PPP1R9A: variants seen among roughly 807,000 people sequenced by gnomAD.
PPP1R9A encodes protein phosphatase 1 regulatory subunit 9A, also known as neurabin-1.
A neutral mutation model predicts 141.9 loss-of-function variants in PPP1R9A; 59 were observed. The observed-to-expected ratio is 0.42, with a 90% CI of 0.34 to 0.52. PPP1R9A has a LOEUF of 0.52. PPP1R9A is among the 20% of genes least tolerant of loss of function. The probability of loss-of-function intolerance (pLI) is 0.10; values close to 1 mark genes in which losing one functional copy is unlikely to be tolerated. For missense variants in PPP1R9A, 1,444 were observed against 1,611.9 expected, an observed-to-expected ratio of 0.90 and a Z score of 1.78; for synonymous variants, 500 against 569.7, an observed-to-expected ratio of 0.88 and a Z score of 1.74.
chr7:95,250,352 C>T (rs978485660), intron 10 of PPP1R9A, 97 bp downstream of exon 10: 1 of 1,068,806 alleles, frequency 9.4e-7, no homozygotes, highest in African/African-American at 1.6e-5. Context: ...AAAAGATGAC[C>T]TTAGAGATAT....
intron 14 of PPP1R9A, 101 bp downstream of exon 14, chr7:95,269,608 ATAAT>A (rs1801848880): frequency 1.1e-6 from 1 of 870,952 alleles, no homozygotes; most frequent in Non-Finnish European, 1.7e-6. Flanking sequence ...CTCATAGCTA[ATAAT>A]TAATATTAAT....
At chr7:95,070,342 G>A (rs544379811) in intron 2 of PPP1R9A, among the ~76,000 whole-genome samples, 15 of 151,854 alleles carry the variant, frequency 9.9e-5, no homozygotes, top group South Asian at 4.2e-4. Flanking sequence ...AAAAATTGTC[G>A]AATGGAGATA....
intron 12 of PPP1R9A, among the ~76,000 whole-genome samples, chr7:95,264,799 A>T (rs1801007417): frequency 6.6e-6 from 1 of 152,186 alleles, no homozygotes; most frequent in South Asian, 2.1e-4. Context: ...AGAAAAATGG[A>T]AGATAAGAAA....
intron 14 of PPP1R9A, among the ~76,000 whole-genome samples, chr7:95,271,668 A>C (rs1221347298): frequency 2.6e-5 from 4 of 152,138 alleles, no homozygotes; most frequent in African/African-American, 9.7e-5. Context: ...CCAGTACAAG[A>C]CCTTAGGATT....
chr7:95,089,777 T>G (rs1391288527), intron 2 of PPP1R9A, among the ~76,000 whole-genome samples: 1 of 151,974 alleles, frequency 6.6e-6, no homozygotes, highest in Admixed American at 6.6e-5. Flanking sequence ...TACATAAAGT[T>G]TTATTCTTTA....
intron 4 of PPP1R9A, among the ~76,000 whole-genome samples, chr7:95,124,258 T>G (rs550219574): frequency 6.6e-6 from 1 of 152,284 alleles, no homozygotes; most frequent in African/African-American, 2.4e-5. Context: ...ACATTTTAAG[T>G]TATGTACACT....
intron 4 of PPP1R9A, among the ~76,000 whole-genome samples, chr7:95,143,967 A>G (rs1279008484): frequency 2.6e-5 from 4 of 152,126 alleles, no homozygotes; most frequent in Non-Finnish European, 5.9e-5. Flanking sequence ...GCTAATTAAC[A>G]TATTCATCAG....
intron 2 of PPP1R9A, among the ~76,000 whole-genome samples, chr7:94,979,665 C>T (rs1799857190): frequency 6.6e-6 from 1 of 152,152 alleles, no homozygotes; most frequent in East Asian, 1.9e-4. Flanking sequence ...TCATTATTAC[C>T]TCTTAATTTT....
intron 16 of PPP1R9A, among the ~76,000 whole-genome samples, chr7:95,277,615 T>TG (rs1554595414): frequency 6.6e-6 from 1 of 151,294 alleles, no homozygotes; most frequent in Non-Finnish European, 1.5e-5. Context: ...ATTGTAGAGG[T>TG]GGGGTCTTGC....
At position 95,167,929 on chromosome 7, in the gene PPP1R9A, A is replaced by G. The variant is rs1007081361; in HGVS notation, c.1754+5958A>G. ...CAAACAAAACAAAGAGCCCATGCTC[A>G]TGGATTAGGAGAATTAACGTTGTTA... On this transcript the variant is annotated intron_variant, in intron 5 of 19. Transcript: ENST00000433360. Among the ~76,000 whole-genome samples, 4 of 152,214 alleles carry G rather than the reference A, an allele frequency of 2.6e-5. No individual in the cohort carries two copies. In the East Asian group the frequency reaches 7.7e-4, roughly 29 times the overall value.
chr7:95,016,308 G>C (rs1209293618), intron 2 of PPP1R9A, among the ~76,000 whole-genome samples: 1 of 152,028 alleles, frequency 6.6e-6, no homozygotes, highest in Non-Finnish European at 1.5e-5. Flanking sequence ...AGGATAATTA[G>C]AGAATACAGC....
chr7:95,073,922 A>G (rs961706406), intron 2 of PPP1R9A, among the ~76,000 whole-genome samples: 1 of 151,420 alleles, frequency 6.6e-6, no homozygotes, highest in Non-Finnish European at 1.5e-5. Flanking sequence ...AAGCATGTTC[A>G]CACTCACACA....
intron 2 of PPP1R9A, among the ~76,000 whole-genome samples, chr7:95,056,212 A>G (rs1436509799): frequency 1.3e-5 from 2 of 152,108 alleles, no homozygotes; most frequent in African/African-American, 4.8e-5. Context: ...TTTGTGTGCT[A>G]AAGAACTTTA....
chr7:95,242,924 G>T (rs747403293), intron 8 of PPP1R9A, among the ~76,000 whole-genome samples: 1 of 152,036 alleles, frequency 6.6e-6, no homozygotes, highest in African/African-American at 2.4e-5. Flanking sequence ...TGCAGTCAGC[G>T]TGCCTGACCA....
intron 2 of PPP1R9A, among the ~76,000 whole-genome samples, chr7:95,033,354 A>AT (rs2151831667): frequency 6.6e-6 from 1 of 151,534 alleles, no homozygotes; most frequent in Admixed American, 6.6e-5. Flanking sequence ...TCCTTTGTCT[A>AT]TTTTTCATTC....
chr7:95,250,693 T>G (rs1442052742), intron 10 of PPP1R9A, among the ~76,000 whole-genome samples: 3 of 152,146 alleles, frequency 2.0e-5, no homozygotes, highest in East Asian at 3.9e-4. Context: ...CTACAGAATT[T>G]CCCACTACAG....
At chr7:95,049,329 G>A (rs897202197) in intron 2 of PPP1R9A, among the ~76,000 whole-genome samples, 4 of 152,272 alleles carry the variant, frequency 2.6e-5, no homozygotes, top group East Asian at 1.9e-4. Flanking sequence ...ACTAATTTGC[G>A]AAGAGATTGG....
At chr7:94,936,480 G>A (rs1196532245) in intron 2 of PPP1R9A, among the ~76,000 whole-genome samples, 1 of 152,026 alleles carries the variant, frequency 6.6e-6, no homozygotes, top group East Asian at 1.9e-4. Flanking sequence ...ACTATCTTAT[G>A]TCATGTTCTG....
At chr7:95,121,496 T>G in intron 4 of PPP1R9A, among the ~76,000 whole-genome samples, 1 of 149,342 alleles carries the variant, frequency 6.7e-6, no homozygotes, top group East Asian at 1.9e-4. Context: ...TATCTATCTA[T>G]CTATCTATCT....
Sources: allele counts gnomAD v4.1 joint callset (sites outside exome capture counted in the v4.1 genomes callset), GRCh38; gene constraint gnomAD v4.1.1; transcripts MANE v1.5; gene names NCBI Gene and HGNC (gene_info 2026-07-23, HGNC 2026-07-21).